The following SOX5 variants were observed in gnomAD, a reference collection of about 807,000 sequenced individuals.
SOX5 encodes transcription factor SOX-5.
In SOX5, 9 loss-of-function variants were observed where a neutral mutation model predicts 92.0. The ratio of observed to expected loss-of-function variants is 0.10; its 90% confidence interval spans 0.06 to 0.17. SOX5 has a LOEUF of 0.17. Among genes scored for constraint, SOX5 ranks in the 10% least tolerant of loss-of-function variants. The probability of loss-of-function intolerance (pLI) is 1.00; values close to 1 mark genes in which losing one functional copy is unlikely to be tolerated. For missense variants in SOX5, 642 were observed against 944.5 expected (o/e 0.68, Z 4.20); for synonymous variants, 344 against 336.3 (o/e 1.02, Z -0.25).
chr12:24,427,506 T>G (rs1007288904), intron 1 of SOX5, among the ~76,000 whole-genome samples: 7 of 152,200 alleles, frequency 4.6e-5, no homozygotes, highest in African/African-American at 1.7e-4. Flanking sequence ...GATGGCTGAA[T>G]CCATGGCTAA....
intron 8 of SOX5, among the ~76,000 whole-genome samples, chr12:23,622,657 C>T (rs1439660394): frequency 3.3e-5 from 5 of 152,086 alleles, no homozygotes; most frequent in Non-Finnish European, 5.9e-5. Context: ...TATATCAACA[C>T]TGCGTCAACT....
At chr12:23,792,242 T>C (rs1232959319) in intron 3 of SOX5, among the ~76,000 whole-genome samples, 1 of 151,768 alleles carries the variant, frequency 6.6e-6, no homozygotes, top group Non-Finnish European at 1.5e-5. Flanking sequence ...GAATATAGAA[T>C]AGAGATACGA....
intron 2 of SOX5, among the ~76,000 whole-genome samples, chr12:24,289,555 G>A (rs1946366430): frequency 7.1e-6 from 1 of 140,188 alleles, no homozygotes; most frequent in Admixed American, 6.9e-5. Flanking sequence ...CCGGGTTCAC[G>A]CCATTCTCCT....
chr12:24,408,677 G>A (rs2136746596), intron 1 of SOX5, among the ~76,000 whole-genome samples: 1 of 152,326 alleles, frequency 6.6e-6, no homozygotes, highest in Non-Finnish European at 1.5e-5. Flanking sequence ...GTTCACGTAT[G>A]TATCAATAGT....
intron 3 of SOX5, among the ~76,000 whole-genome samples, chr12:24,239,436 AT>A (rs965133770): frequency 2.2e-4 from 34 of 152,068 alleles, no homozygotes; most frequent in African/African-American, 5.8e-4. Flanking sequence ...ATATTCCGAT[AT>A]TTTTTTCCCC....
At position 23,734,730 on chromosome 12, in the gene SOX5, AGCT is replaced by A. The variant is rs1346898379; in HGVS notation, c.761_763del (p.Gln254del). 6.2e-7 allele frequency: 1 copy of A among 1,613,124 alleles called. No homozygotes were observed. Among genetic ancestry groups the A allele is most frequent in the Non-Finnish European group, 8.5e-7 (1 of 1,179,410 alleles). ...ATTGATTTTGTGTTGTTGCTGTAGA[AGCT>A]GCTGCTGCTGTCTTGCAATCTGTGA... On this transcript the variant is annotated inframe_deletion, in exon 6 of 15. Coordinates refer to ENST00000451604, the MANE Select transcript of SOX5 (RefSeq NM_006940.6).
chr12:23,850,055 T>A (rs2096614613), intron 2 of SOX5, among the ~76,000 whole-genome samples: 1 of 152,164 alleles, frequency 6.6e-6, no homozygotes, highest in Non-Finnish European at 1.5e-5. Flanking sequence ...GAACTACAGA[T>A]ACACAGAGAA....
At chr12:24,137,371 G>A (rs1950200361) in intron 4 of SOX5, among the ~76,000 whole-genome samples, 1 of 152,114 alleles carries the variant, frequency 6.6e-6, no homozygotes, top group Non-Finnish European at 1.5e-5. Context: ...GGTGGCTCAG[G>A]CCTGTAATCC....
At chr12:23,575,315 A>G (rs1948945652) in intron 10 of SOX5, among the ~76,000 whole-genome samples, 1 of 152,246 alleles carries the variant, frequency 6.6e-6, no homozygotes, top group Non-Finnish European at 1.5e-5. Context: ...TTCACAAAAA[A>G]AATGGAAATT....
intron 4 of SOX5, among the ~76,000 whole-genome samples, chr12:24,104,846 G>A (rs1359772262): frequency 2.6e-5 from 4 of 152,116 alleles, no homozygotes; most frequent in East Asian, 1.9e-4. Flanking sequence ...TTTATTCCAC[G>A]ACAGCCAAAC....
rs76184106 is a variant in SOX5 at position 23,533,923 on chromosome 12, A to C, written c.*296T>G. 4 of 235,318 alleles carry C rather than the reference A, an allele frequency of 1.7e-5. No homozygotes were observed. The East Asian group carries it at 3.6e-4, about 21-fold the overall frequency. 14.6% of individuals were successfully genotyped at this position (235,318 alleles called of 1,614,324 possible). ...TAAAGTTTATTTAAAAAAAAAAAAA[A>C]GTTGACGGGTAAGACTTCAGTGCTT... is the stretch of plus-strand genomic sequence containing the variant. On this transcript the variant is annotated 3_prime_UTR_variant, in exon 15 of 15. Coordinates refer to ENST00000451604, the MANE Select transcript of SOX5 (RefSeq NM_006940.6).
intron 4 of SOX5, among the ~76,000 whole-genome samples, chr12:24,170,349 A>G (rs893656362): frequency 2.6e-5 from 4 of 152,216 alleles, no homozygotes; most frequent in African/African-American, 9.6e-5. Context: ...CAAATGCCAC[A>G]GAACAAACCA....
intron 3 of SOX5, among the ~76,000 whole-genome samples, chr12:23,774,023 T>C (rs1475164164): frequency 6.6e-6 from 1 of 152,064 alleles, no homozygotes; most frequent in African/African-American, 2.4e-5. Flanking sequence ...TTTGCTCATT[T>C]TAAAAAGTAA....
At chr12:24,453,496 C>T (rs945499963) in intron 1 of SOX5, among the ~76,000 whole-genome samples, 8 of 152,176 alleles carry the variant, frequency 5.3e-5, no homozygotes, top group African/African-American at 1.9e-4. Flanking sequence ...CTATGCTTAA[C>T]TATCCTTAAA....
chr12:24,527,207 T>C (rs1253188039), intron 1 of SOX5, among the ~76,000 whole-genome samples: 1 of 152,172 alleles, frequency 6.6e-6, no homozygotes, highest in East Asian at 1.9e-4. Context: ...ACCTAACCCA[T>C]GGTAAGTTCT....
chr12:23,593,868 G>T (rs753948750), intron 9 of SOX5, among the ~76,000 whole-genome samples: 1 of 152,004 alleles, frequency 6.6e-6, no homozygotes, highest in Non-Finnish European at 1.5e-5. Flanking sequence ...AAAAAGGAGA[G>T]AGAGAGAGAG....
intron 2 of SOX5, among the ~76,000 whole-genome samples, chr12:24,285,986 A>C (rs1945820531): frequency 6.6e-6 from 1 of 152,218 alleles, no homozygotes; most frequent in Non-Finnish European, 1.5e-5. Context: ...AGAATCTGTG[A>C]GGAAATTTTA....
chr12:24,461,647 G>A (rs1435395147), intron 1 of SOX5, among the ~76,000 whole-genome samples: 1 of 151,928 alleles, frequency 6.6e-6, no homozygotes, highest in Non-Finnish European at 1.5e-5. Context: ...TTTGTCTTGG[G>A]TATTATGTCT....
intron 6 of SOX5, among the ~76,000 whole-genome samples, chr12:23,679,641 A>C (rs138174632): frequency 6.6e-6 from 1 of 152,318 alleles, no homozygotes; most frequent in African/African-American, 2.4e-5. Flanking sequence ...GTAAAAACTC[A>C]ATCTCCAAAA....
Sources: allele counts gnomAD v4.1 joint callset (sites outside exome capture counted in the v4.1 genomes callset), GRCh38; gene constraint gnomAD v4.1.1; transcripts MANE v1.5; gene names NCBI Gene and HGNC (gene_info 2026-07-23, HGNC 2026-07-21).